CACNA2D1: variants seen among roughly 807,000 people sequenced by gnomAD.
The protein encoded by CACNA2D1 is calcium voltage-gated channel auxiliary subunit alpha2delta 1, also known as voltage-dependent calcium channel subunit alpha-2/delta-1.
A neutral mutation model predicts 171.5 loss-of-function variants in CACNA2D1; 53 were observed. That is an observed-to-expected ratio of 0.31 (90% CI 0.25 to 0.39). CACNA2D1 has a LOEUF of 0.39. Ranked by LOEUF, CACNA2D1 falls within the 10% of genes least tolerant of loss-of-function variation. CACNA2D1 has a pLI of 1.00. For synonymous variants in CACNA2D1, 442 were observed against 443.1 expected (o/e 1.00, Z 0.03); for missense variants, 903 against 1,299.8 (o/e 0.69, Z 4.69).
At chr7:82,192,754 T>C (rs553089619) in intron 3 of CACNA2D1, among the ~76,000 whole-genome samples, 1 of 151,296 alleles carries the variant, frequency 6.6e-6, no homozygotes, top group Non-Finnish European at 1.5e-5. Flanking sequence ...TGTTCCTTTT[T>C]TTTTTTTTCC....
At chr7:81,975,488 T>C (rs543592141) in intron 24 of CACNA2D1, among the ~76,000 whole-genome samples, 1 of 152,284 alleles carries the variant, frequency 6.6e-6, no homozygotes, top group South Asian at 2.1e-4. Flanking sequence ...GACGAGAGGC[T>C]TGTTTTTCTT....
At chr7:81,991,095 G>C in intron 21 of CACNA2D1, 90 bp downstream of exon 21, 1 of 739,802 alleles carries the variant, frequency 1.4e-6, no homozygotes, top group Non-Finnish European at 2.5e-6. Context: ...AACTTTTCTA[G>C]TGAAAATCAC....
At chr7:82,008,846 T>C (rs1254442429) in intron 15 of CACNA2D1, among the ~76,000 whole-genome samples, 3 of 151,918 alleles carry the variant, frequency 2.0e-5, no homozygotes, top group East Asian at 1.9e-4. Flanking sequence ...ATTGTGCACA[T>C]AGGAGGCCCA....
chr7:82,370,263 T>C (rs965245032), intron 1 of CACNA2D1, among the ~76,000 whole-genome samples: 1 of 152,000 alleles, frequency 6.6e-6, no homozygotes, highest in Non-Finnish European at 1.5e-5. Flanking sequence ...TATGTAGCAA[T>C]ATGACTGTCT....
intron 3 of CACNA2D1, among the ~76,000 whole-genome samples, chr7:82,217,344 C>CT (rs1250495822): frequency 0.059 from 3,878 of 66,018 alleles, 211 homozygotes; most frequent in African/African-American, 0.14. Context: ...TGCATCCTGC[C>CT]TTTTTAAAAA....
At chr7:82,133,869 G>A (rs763476524) in intron 5 of CACNA2D1, among the ~76,000 whole-genome samples, 1 of 152,050 alleles carries the variant, frequency 6.6e-6, no homozygotes, top group Non-Finnish European at 1.5e-5. Flanking sequence ...TCAGGAGATC[G>A]AGACCATCCT....
chr7:82,162,404 C>A (rs537891089), intron 4 of CACNA2D1, among the ~76,000 whole-genome samples: 32 of 151,954 alleles, frequency 2.1e-4, no homozygotes, highest in African/African-American at 7.5e-4. Context: ...AGAAAGAAAT[C>A]CACGGCTAGG....
intron 12 of CACNA2D1, chr7:82,028,669 G>A (rs1308012269): frequency 2.0e-5 from 3 of 151,812 alleles, no homozygotes; most frequent in Non-Finnish European, 4.4e-5. Flanking sequence ...TTTGGAAGAA[G>A]TTGATTTCAA....
chr7:82,121,646 T>C (rs1465742591), intron 5 of CACNA2D1, among the ~76,000 whole-genome samples: 1 of 152,210 alleles, frequency 6.6e-6, no homozygotes, highest in African/African-American at 2.4e-5. Context: ...AGTGTATGAG[T>C]TGGATGACAC....
At chr7:82,166,737 C>CA (rs1226902850) in intron 4 of CACNA2D1, among the ~76,000 whole-genome samples, 1 of 151,950 alleles carries the variant, frequency 6.6e-6, no homozygotes. Flanking sequence ...ACCTAGCAGG[C>CA]AGCTGGTAGA....
intron 3 of CACNA2D1, among the ~76,000 whole-genome samples, chr7:82,300,816 G>T (rs4323419): frequency 1.3e-5 from 2 of 151,714 alleles, no homozygotes; most frequent in Admixed American, 1.3e-4. Flanking sequence ...TCTAGATTTA[G>T]TATTTACTTT....
intron 7 of CACNA2D1, among the ~76,000 whole-genome samples, chr7:82,076,624 GC>G (rs1448195841): frequency 2.0e-5 from 3 of 151,922 alleles, no homozygotes. Flanking sequence ...CATTAAAATA[GC>G]ATATCTTCTG....
chr7:81,948,061 A>G lies in CACNA2D1; in HGVS notation c.*2331T>C, dbSNP rs1792177718. ...TTGATGAAAACATATACTCGACATT[A>G]GCCATGAAAATATATTTAATAGATT... On this transcript the variant is annotated 3_prime_UTR_variant, in exon 39 of 39. Transcript: ENST00000356860. 6.6e-6 allele frequency: 1 copy of G among 151,904 alleles called. No homozygotes were observed. The highest frequency in any genetic ancestry group is 2.4e-5 in the African/African-American group (1 of 41,422). 9.4% of individuals were successfully genotyped at this position (151,904 alleles called of 1,614,324 possible).
At position 82,197,810 on chromosome 7, in the gene CACNA2D1, A is replaced by AACACAC. The variant is rs35774007; in HGVS notation, c.295-27207_295-27202dup. Among the ~76,000 whole-genome samples, 3 of 150,880 alleles carry AACACAC rather than the reference A, an allele frequency of 2.0e-5. No homozygotes were observed. In the East Asian group the frequency reaches 5.9e-4, roughly 29 times the overall value. On this transcript the variant is annotated intron_variant, in intron 3 of 38. Transcript: ENST00000356860. Reference sequence around the variant, plus strand: ...TCTAATGTCTTTTTTAAACTATACAAACACACACACACACACTACCATGTG... The same window carrying AACACAC: ...TCTAATGTCTTTTTTAAACTATACAAACACACACACACACACACACACTACCATGTG...
chr7:82,110,248 C>T (rs1788216244), intron 6 of CACNA2D1, among the ~76,000 whole-genome samples: 1 of 152,142 alleles, frequency 6.6e-6, no homozygotes, highest in Admixed American at 6.5e-5. Context: ...GCCCTAACCA[C>T]CAATGTGATA....
chr7:82,124,162 A>T (rs1383043879), intron 5 of CACNA2D1, among the ~76,000 whole-genome samples: 1 of 152,174 alleles, frequency 6.6e-6, no homozygotes, highest in Non-Finnish European at 1.5e-5. Flanking sequence ...TAATTTTTTA[A>T]ATGTTAGAAA....
chr7:82,382,838 C>T (rs1823861970), intron 1 of CACNA2D1, among the ~76,000 whole-genome samples: 1 of 152,092 alleles, frequency 6.6e-6, no homozygotes, highest in Admixed American at 6.5e-5. Flanking sequence ...AACTGGTGTT[C>T]AAAAACATTT....
intron 4 of CACNA2D1, among the ~76,000 whole-genome samples, chr7:82,153,340 A>G (rs1349891543): frequency 6.6e-6 from 1 of 152,072 alleles, no homozygotes; most frequent in South Asian, 2.1e-4. Context: ...ATATATAAAC[A>G]AAACAGGAAA....
At chr7:82,126,774 C>T (rs1790376362) in intron 5 of CACNA2D1, among the ~76,000 whole-genome samples, 1 of 152,166 alleles carries the variant, frequency 6.6e-6, no homozygotes, top group African/African-American at 2.4e-5. Flanking sequence ...CTGCATATAG[C>T]TACATTCCTT....
Sources: gnomAD v4.1 joint callset for allele counts (sites outside exome capture counted in the v4.1 genomes callset) on GRCh38, gnomAD v4.1.1 for gene constraint, MANE v1.5 for transcripts, NCBI Gene and HGNC (gene_info 2026-07-23, HGNC 2026-07-21) for gene names.